The following ZNF343 variants were observed in gnomAD, a reference collection of about 807,000 sequenced individuals.
The protein encoded by ZNF343 is zinc finger protein 343.
Under a neutral mutation model 13.8 loss-of-function variants are expected in ZNF343, and 11 were observed. That is an observed-to-expected ratio of 0.80 (90% CI 0.50 to 1.32). ZNF343 has a LOEUF of 1.32. Among genes scored for constraint, ZNF343 ranks in the 40% most tolerant of loss-of-function variants. ZNF343 has a pLI of 0.00. For synonymous variants in ZNF343, 248 were observed against 260.0 expected, an observed-to-expected ratio of 0.95 and a Z score of 0.44; for missense variants, 658 against 714.2, an observed-to-expected ratio of 0.92 and a Z score of 0.90.
chr20:2,483,665 C>G lies in ZNF343; in HGVS notation c.1296G>C (p.Leu432Phe), dbSNP rs544854438. The G allele has an allele frequency of 1.3e-6, 2 of 1,548,326 alleles. No homozygotes were observed. The highest frequency in any genetic ancestry group is 3.2e-5 in the African/African-American group (2 of 61,948). Reference sequence around the variant, plus strand: ...CCCTGCAAACATAAGGCTTCTCATCCAAGTGTGTCCTCTGGTGTTTGATGA... The same window carrying G: ...CCCTGCAAACATAAGGCTTCTCATCGAAGTGTGTCCTCTGGTGTTTGATGA... ...SDLIKHQRTH[L>F]DEKPYVCREC... Residue 432 changes from leucine (L) to phenylalanine (F), a missense_variant, in exon 6 of 6, where the codon TTG becomes TTC. Coordinates refer to ENST00000278772, the MANE Select transcript of ZNF343 (RefSeq NM_024325.6).
Position 2,518,495 on chromosome 20 carries a change from G to A in ZNF343, c.-347+5960C>T, listed in dbSNP as rs1401521350. Among the ~76,000 whole-genome samples the A allele has an allele frequency of 6.6e-6, 1 of 151,352 alleles. No individual in the cohort carries two copies. The highest frequency in any genetic ancestry group is 1.5e-5 in the Non-Finnish European group (1 of 68,014). On this transcript the variant is annotated intron_variant, in intron 1 of 6. Transcript: ENST00000358413. This position sits in a 1 kb window ranked among gnomAD's most constrained non-coding sequence, Gnocchi z 4.6. The stretch of plus-strand genomic sequence containing the variant: ...ACTAACTGTTGTCAAATAATCTTTT[G>A]TACTCCAAAGTACTCCAAAATACAC...
intron 5 of ZNF343, among the ~76,000 whole-genome samples, chr20:2,489,884 G>C: frequency 6.6e-6 from 1 of 152,088 alleles, no homozygotes; most frequent in East Asian, 1.9e-4. Flanking sequence ...CCGGGCTATG[G>C]CTCACACCTG....
At chr20:2,501,643 T>G (rs946891960) in intron 1 of ZNF343, among the ~76,000 whole-genome samples, 1 of 152,162 alleles carries the variant, frequency 6.6e-6, no homozygotes, top group African/African-American at 2.4e-5. Flanking sequence ...GCAGCAACAT[T>G]TGCTGTTCAC....
intron 1 of ZNF343, among the ~76,000 whole-genome samples, chr20:2,515,059 G>A (rs1468944181): frequency 1.3e-5 from 2 of 149,480 alleles, no homozygotes; most frequent in African/African-American, 2.5e-5. Flanking sequence ...AAGAAGGAAG[G>A]AAGGAGAAGG....
rs925057530 is a variant in ZNF343, at chr20:2,518,570, C to T, written c.-347+5885G>A. ...CTAACTTCTGATTTCTAAATAGCTA[C>T]CCCTCCGGTTCCACACTCACTCACA... On this transcript the variant is annotated intron_variant, in intron 1 of 6. Transcript: ENST00000358413. This position sits in a 1 kb window ranked among gnomAD's most constrained non-coding sequence, Gnocchi z 4.6. Among the ~76,000 whole-genome samples the T allele has an allele frequency of 1.3e-5, 2 of 152,156 alleles. No homozygotes were observed. Among genetic ancestry groups the T allele is most frequent in the Non-Finnish European group, 2.9e-5 (2 of 68,018 alleles).
chr20:2,486,490 A>G (rs922012590), intron 5 of ZNF343, among the ~76,000 whole-genome samples: 3 of 152,224 alleles, frequency 2.0e-5, no homozygotes, highest in African/African-American at 7.2e-5. Context: ...AATGCAAGGA[A>G]TAAGGCCGGG....
intron 5 of ZNF343, among the ~76,000 whole-genome samples, chr20:2,491,231 GT>G (rs1421388640): frequency 6.6e-6 from 1 of 152,164 alleles, no homozygotes; most frequent in Admixed American, 6.5e-5. Flanking sequence ...GAACTAAGAT[GT>G]GCTCTAAGTG....
chr20:2,515,018 GAAGAAGAAGA>G (rs2085753472), intron 1 of ZNF343, among the ~76,000 whole-genome samples: 1 of 146,864 alleles, frequency 6.8e-6, no homozygotes, highest in African/African-American at 2.5e-5. Flanking sequence ...AAAAAAAGAA[GAAGAAGAAGA>G]AAGAAGAAGG....
intron 5 of ZNF343, among the ~76,000 whole-genome samples, chr20:2,488,108 C>A (rs894743537): frequency 2.0e-5 from 3 of 152,076 alleles, no homozygotes; most frequent in African/African-American, 7.2e-5. Flanking sequence ...GGAAATTAGT[C>A]CTTTCTTTTG....
chr20:2,510,097 T>A (rs923248962), upstream of ZNF343, among the ~76,000 whole-genome samples: 2 of 152,266 alleles, frequency 1.3e-5, no homozygotes, highest in Admixed American at 1.3e-4. Context: ...TGCCCGCTTG[T>A]CACAGATAAA....
At chr20:2,510,745 C>T (rs560587077), upstream of ZNF343, among the ~76,000 whole-genome samples, 11 of 152,284 alleles carry the variant, frequency 7.2e-5, no homozygotes, top group East Asian at 3.9e-4. Context: ...ATCACTGAGA[C>T]GAGTATTGCA....
chr20:2,503,639 CT>C, intron 1 of ZNF343, among the ~76,000 whole-genome samples: 1 of 152,238 alleles, frequency 6.6e-6, no homozygotes, highest in East Asian at 1.9e-4. Flanking sequence ...CAAACTAGAA[CT>C]CAGGATTAAG....
At chr20:2,515,773 T>C (rs116024730) in intron 1 of ZNF343, among the ~76,000 whole-genome samples, 2,233 of 152,264 alleles carry the variant, frequency 0.015, 66 homozygotes, top group African/African-American at 0.051. Flanking sequence ...ACTTTGATCT[T>C]GGGCATGAAC....
rs369801966 is a variant in ZNF343, at chr20:2,518,309, G to A, written c.-347+6146C>T. ...TAGAATTACAGGCGTGAGCCACCGC[G>A]CCCAGCCTCAAAGATTTATTTCTAT... On this transcript the variant is annotated intron_variant, in intron 1 of 6. Coordinates refer to the ZNF343 transcript ENST00000358413. This position sits in a 1 kb window ranked among gnomAD's most constrained non-coding sequence, Gnocchi z 4.6. Among the ~76,000 whole-genome samples, 68 of 152,234 alleles carry A rather than the reference G, an allele frequency of 4.5e-4. No homozygotes were observed. In the South Asian group the frequency reaches 0.013, roughly 28 times the overall value.
chr20:2,520,880 G>A (rs117134423), intron 1 of ZNF343, among the ~76,000 whole-genome samples: 2,540 of 152,330 alleles, frequency 0.017, 29 homozygotes, highest in Non-Finnish European at 0.027. Flanking sequence ...AAAAAATGGG[G>A]ACTTCACTTC....
chr20:2,503,046 G>A (rs928322800), intron 1 of ZNF343, among the ~76,000 whole-genome samples: 2 of 152,176 alleles, frequency 1.3e-5, no homozygotes, highest in African/African-American at 4.8e-5. Flanking sequence ...AGACCCATCA[G>A]TGTGCTGTAT....
Position 2,494,072 on chromosome 20 carries a change from T to C in ZNF343, c.-149-28A>G. On this transcript the variant is annotated intron_variant, in intron 2 of 5. Coordinates refer to ENST00000278772, the MANE Select transcript of ZNF343 (RefSeq NM_024325.6). ...GTGGGATGAAGAAGCAATTTGCTAT[T>C]GCTGGGGCTTTTATTGTGGGCCCTA... 4 of 600,232 alleles carry C rather than the reference T, an allele frequency of 6.7e-6. No homozygotes were observed. In the South Asian group the frequency reaches 7.8e-5, roughly 12 times the overall value. 37.2% of individuals were successfully genotyped at this position (600,232 alleles called of 1,614,324 possible).
rs377349613 is a variant in ZNF343, at chr20:2,483,989, A to G, written c.972T>C (p.Pro324=). Residue 324 remains proline (P), a synonymous_variant, in exon 6 of 6, where the codon CCT becomes CCC. Coordinates refer to ENST00000278772, the MANE Select transcript of ZNF343 (RefSeq NM_024325.6). ...RHQRTHSEEK[P]YLCRECGQSF... ...TTTGCCCACACTCCCTGCACAAATA[A>G]GGCTTCTCTTCTGAATGTGTTCTCT... 1 of 1,613,902 alleles carries G rather than the reference A, an allele frequency of 6.2e-7. No individual in the cohort carries two copies. Among genetic ancestry groups the G allele is most frequent in the Non-Finnish European group, 8.5e-7 (1 of 1,179,948 alleles).
At chr20:2,517,970 T>C (rs2085766549) in intron 1 of ZNF343, among the ~76,000 whole-genome samples, 1 of 151,822 alleles carries the variant, frequency 6.6e-6, no homozygotes, top group Non-Finnish European at 1.5e-5. Context: ...TTGTCCTTAA[T>C]AAAATTTTAA....
Sources: allele counts gnomAD v4.1 joint callset (sites outside exome capture counted in the v4.1 genomes callset), GRCh38; gene constraint gnomAD v4.1.1; non-coding constraint Gnocchi (gnomAD v3.1); transcripts MANE v1.5; gene names NCBI Gene and HGNC (gene_info 2026-07-23, HGNC 2026-07-21).